OSBPL10: variants seen among roughly 807,000 people sequenced by gnomAD.
OSBPL10 encodes the protein oxysterol-binding protein-related protein 10.
In OSBPL10, 49 loss-of-function variants were observed where a neutral mutation model predicts 81.7. The ratio of observed to expected loss-of-function variants is 0.60; its 90% CI spans 0.48 to 0.76. The LOEUF is 0.76. OSBPL10 is among the 30% of genes least tolerant of loss of function. The probability of loss-of-function intolerance (pLI) is 0.00; values close to 1 mark genes in which losing one functional copy is unlikely to be tolerated. For synonymous variants in OSBPL10, 419 were observed against 383.6 expected (o/e 1.09, Z -1.08); for missense variants, 923 against 987.8 (o/e 0.93, Z 0.88).
intron 2 of OSBPL10, among the ~76,000 whole-genome samples, chr3:32,013,464 C>T (rs1355053695): frequency 1.6e-4 from 25 of 152,042 alleles, no homozygotes; most frequent in South Asian, 1.0e-3. Flanking sequence ...GGGAAATTTA[C>T]AGCACTAAAT....
intron 2 of OSBPL10, among the ~76,000 whole-genome samples, chr3:32,009,033 G>A (rs935465036): frequency 6.6e-6 from 1 of 152,158 alleles, no homozygotes; most frequent in Non-Finnish European, 1.5e-5. Context: ...TTTACTCTTT[G>A]TACTTTTCTA....
intron 4 of OSBPL10, among the ~76,000 whole-genome samples, chr3:31,788,709 T>A (rs1168497264): frequency 6.6e-6 from 1 of 152,064 alleles, no homozygotes; most frequent in Non-Finnish European, 1.5e-5. Flanking sequence ...GCCCAGGAGT[T>A]CAAGGTTGCA....
Position 31,916,050 on chromosome 3 carries a change from C to T in OSBPL10, c.282-36220G>A, listed in dbSNP as rs138439649. Among the ~76,000 whole-genome samples, 397 of 147,346 alleles carry T rather than the reference C, an allele frequency of 2.7e-3. 3 individuals are homozygous for T. The highest frequency in any genetic ancestry group is 8.7e-3 in the African/African-American group (345 of 39,510). On this transcript the variant is annotated intron_variant, in intron 1 of 11. Transcript: ENST00000396556. The stretch of plus-strand genomic sequence containing the variant: ...GGTGGAGGTTGCAGTGAGCCAAGAT[C>T]GCACCATTGCACTCCAGCCTGGGTG...
At chr3:31,867,485 T>C (rs1372727065) in intron 3 of OSBPL10, among the ~76,000 whole-genome samples, 1 of 152,152 alleles carries the variant, frequency 6.6e-6, no homozygotes, top group Non-Finnish European at 1.5e-5. Flanking sequence ...CTCTCACCTG[T>C]AATCCCAGCA....
chr3:31,701,955 C>T, intron 7 of OSBPL10: 1 of 165,390 alleles, frequency 6.0e-6, no homozygotes, highest in South Asian at 1.8e-4. Flanking sequence ...CCTGGTGCCA[C>T]CATTTCCCTT....
intron 1 of OSBPL10, among the ~76,000 whole-genome samples, chr3:31,945,488 TA>T (rs1224674678): frequency 6.6e-6 from 1 of 152,250 alleles, no homozygotes; most frequent in Non-Finnish European, 1.5e-5. Context: ...TTTTTGGCTT[TA>T]AAAATTGTTT....
At chr3:31,842,907 C>G (rs536137279) in intron 3 of OSBPL10, among the ~76,000 whole-genome samples, 2 of 152,238 alleles carry the variant, frequency 1.3e-5, no homozygotes, top group South Asian at 4.1e-4. Flanking sequence ...CATAATAGAA[C>G]GCTATCATTT....
intron 1 of OSBPL10, among the ~76,000 whole-genome samples, chr3:32,059,210 C>T (rs1699736565): frequency 3.9e-5 from 6 of 152,234 alleles, no homozygotes; most frequent in Admixed American, 2.0e-4. Flanking sequence ...GCAGAAGAAT[C>T]GCTTGAACCT....
intron 1 of OSBPL10, among the ~76,000 whole-genome samples, chr3:32,049,315 A>C (rs560922314): frequency 6.6e-6 from 1 of 152,262 alleles, no homozygotes; most frequent in African/African-American, 2.4e-5. Context: ...TTTTAGTAAC[A>C]TCTTGCTGGC....
chr3:31,934,333 G>A (rs898784165), intron 1 of OSBPL10, among the ~76,000 whole-genome samples: 19 of 151,326 alleles, frequency 1.3e-4, no homozygotes, highest in Admixed American at 1.1e-3. Flanking sequence ...AACTTCATCT[G>A]TGTGGGGAAA....
At chr3:31,837,611 A>C (rs1383069642) in intron 3 of OSBPL10, among the ~76,000 whole-genome samples, 1 of 149,462 alleles carries the variant, frequency 6.7e-6, no homozygotes, top group Non-Finnish European at 1.5e-5. Context: ...ACAAAATAGG[A>C]CTAGAAAACA....
chr3:31,690,565 A>G (rs1168292589), intron 7 of OSBPL10, among the ~76,000 whole-genome samples: 2 of 152,228 alleles, frequency 1.3e-5, no homozygotes, highest in Non-Finnish European at 2.9e-5. Context: ...ACCTGAGAAT[A>G]ATAATTTTCA....
intron 4 of OSBPL10, among the ~76,000 whole-genome samples, chr3:31,758,509 C>A (rs142360311): frequency 7.9e-5 from 12 of 152,128 alleles, no homozygotes; most frequent in Non-Finnish European, 1.2e-4. Context: ...AACAACTCCA[C>A]CCCCATTTCA....
intron 3 of OSBPL10, among the ~76,000 whole-genome samples, chr3:31,832,961 G>C (rs1282894510): frequency 6.6e-6 from 1 of 152,218 alleles, no homozygotes; most frequent in Admixed American, 6.5e-5. Context: ...GTAGAAATCA[G>C]AGTTTGGGTT....
At chr3:31,923,674 C>G (rs991541195) in intron 1 of OSBPL10, among the ~76,000 whole-genome samples, 4 of 152,120 alleles carry the variant, frequency 2.6e-5, no homozygotes, top group Non-Finnish European at 5.9e-5. Flanking sequence ...GTAGTCCTAC[C>G]TACTCAGGAG....
At chr3:32,024,604 C>A in intron 2 of OSBPL10, among the ~76,000 whole-genome samples, 1 of 150,860 alleles carries the variant, frequency 6.6e-6, no homozygotes, top group East Asian at 2.0e-4. Flanking sequence ...CCTGCCTCAG[C>A]CCCCCCAGTA....
At chr3:31,907,132 G>A (rs1004128026) in intron 1 of OSBPL10, 4 of 152,164 alleles carry the variant, frequency 2.6e-5, no homozygotes, top group African/African-American at 2.4e-5. Flanking sequence ...TGACCAGGGA[G>A]TAAAAGCAAT....
At chr3:31,812,821 A>AG (rs1699741596) in intron 4 of OSBPL10, among the ~76,000 whole-genome samples, 4 of 121,660 alleles carry the variant, frequency 3.3e-5, no homozygotes, top group Non-Finnish European at 5.4e-5. Flanking sequence ...AAAGAAAGAG[A>AG]AAGAAAGAAA....
chr3:31,662,030 C>T lies in OSBPL10; in HGVS notation c.*42G>A, dbSNP rs775640855. The T allele has an allele frequency of 5.0e-6, 8 of 1,606,670 alleles. No individual in the cohort carries two copies. The highest frequency in any genetic ancestry group is 5.9e-6 in the Non-Finnish European group (7 of 1,177,252). ...ATACTCTACTACTTTAATATTCCTACAAAAACAGGGCTATACTGGAAAGCT... is the reference window on the plus strand; with the variant it reads ...ATACTCTACTACTTTAATATTCCTATAAAAACAGGGCTATACTGGAAAGCT... On this transcript the variant is annotated 3_prime_UTR_variant, in exon 12 of 12. Coordinates refer to ENST00000396556, the MANE Select transcript of OSBPL10 (RefSeq NM_017784.5).
Sources: allele counts gnomAD v4.1 joint callset (sites outside exome capture counted in the v4.1 genomes callset), GRCh38; gene constraint gnomAD v4.1.1; transcripts MANE v1.5; gene names NCBI Gene and HGNC (gene_info 2026-07-23, HGNC 2026-07-21).